The following TENT5C variants were observed in gnomAD, a reference collection of about 807,000 sequenced individuals.
TENT5C encodes family with sequence similarity 46 member C.
A neutral mutation model predicts 22.2 loss-of-function variants in TENT5C; 5 were observed. The ratio of observed to expected loss-of-function variants is 0.22; its 90% CI spans 0.12 to 0.47. TENT5C has a LOEUF of 0.47. TENT5C is among the 20% of genes least tolerant of loss of function. The probability of loss-of-function intolerance (pLI) is 0.99; values close to 1 mark genes in which losing one functional copy is unlikely to be tolerated. For missense variants in TENT5C, 364 were observed against 500.9 expected (o/e 0.73, Z 2.61); for synonymous variants, 199 against 195.4 (o/e 1.02, Z -0.15).
rs369828505 is a variant in TENT5C, at chr1:117,616,121, G to A, written c.-27-6721G>A. 1.4e-3 allele frequency among the ~76,000 whole-genome samples: 210 copies of A among 152,326 alleles called. 1 individual carries two copies. The highest frequency in any genetic ancestry group is 5.0e-3 in the African/African-American group (207 of 41,574). On this transcript the variant is annotated intron_variant, in intron 1 of 1. Coordinates refer to ENST00000369448, the MANE Select transcript of TENT5C (RefSeq NM_017709.4). ...TCAGCAGTTCCCAGACACTAGTCTC[G>A]CAGTTGAGGACCTGGGGTCAATTCG...
rs1653987627 is a variant in TENT5C at position 117,625,475 on chromosome 1, CAG to C, written c.*1432_*1433del. ...AGTTCTAGGCTACTGTGGCTTTTTC[CAG>C]TAGATTTAGATGAGATTATGTGTTT... On this transcript the variant is annotated 3_prime_UTR_variant, in exon 2 of 2. Transcript: ENST00000369448. 4.0e-6 allele frequency: 1 copy of C among 247,870 alleles called. No homozygotes were observed. The highest frequency in any genetic ancestry group is 2.2e-5 in the African/African-American group (1 of 45,302). 15.4% of individuals were successfully genotyped at this position (247,870 alleles called of 1,614,324 possible).
At position 117,625,796 on chromosome 1, in the gene TENT5C, G is replaced by A. The variant is rs1425025591; in HGVS notation, c.*1752G>A. The A allele has an allele frequency of 8.1e-6, 2 of 247,864 alleles. No homozygotes were observed. Among genetic ancestry groups the A allele is most frequent in the Admixed American group, 5.6e-5 (1 of 17,774 alleles). 15.4% of individuals were successfully genotyped at this position (247,864 alleles called of 1,614,324 possible). On this transcript the variant is annotated 3_prime_UTR_variant, in exon 2 of 2. Transcript: ENST00000369448. ...ATGTGATGTCTTGGTCCTCTTAAAA[G>A]CAGATCAGCCATGACTGAAACTCAA...
chr1:117,610,324 T>G (rs1653637966), intron 1 of TENT5C, among the ~76,000 whole-genome samples: 2 of 152,042 alleles, frequency 1.3e-5, no homozygotes, highest in Non-Finnish European at 1.5e-5. Context: ...CTCTTTACTC[T>G]TGACCCACCC....
chr1:117,618,764 T>G (rs990271175), intron 1 of TENT5C, among the ~76,000 whole-genome samples: 7 of 152,224 alleles, frequency 4.6e-5, no homozygotes, highest in African/African-American at 1.7e-4. Context: ...TTCTTCTAAC[T>G]TTGAATCTAC....
intron 1 of TENT5C, among the ~76,000 whole-genome samples, chr1:117,617,916 G>C (rs947160430): frequency 3.9e-5 from 6 of 152,210 alleles, no homozygotes; most frequent in Admixed American, 2.6e-4. Context: ...TTGGACGAGT[G>C]AGGGACAATG....
At chr1:117,621,090 C>G (rs1653883920) in intron 1 of TENT5C, among the ~76,000 whole-genome samples, 1 of 152,300 alleles carries the variant, frequency 6.6e-6, no homozygotes, top group Admixed American at 6.5e-5. Context: ...GCTTGGGATC[C>G]ATAACCTAGG....
chr1:117,623,715 G>T lies in TENT5C; in HGVS notation c.847G>T (p.Glu283Ter). The change falls in exon 2 of 2, where the codon GAA (glutamate) becomes TAA (stop). Residue 283 changes from glutamate to a stop codon, truncating the protein, a stop_gained. Transcript: ENST00000369448. LOFTEE classifies it high-confidence loss of function. ...RFFIDFPDIL[E>*]QQRKLETYLQ... ...CTTCATCGACTTCCCGGACATCCTT[G>T]AACAGCAGAGGAAGTTGGAGACTTA... 1 of 1,614,162 alleles carries T rather than the reference G, an allele frequency of 6.2e-7. No homozygotes were observed. Among genetic ancestry groups the T allele is most frequent in the Non-Finnish European group, 8.5e-7 (1 of 1,180,030 alleles).
Position 117,624,046 on chromosome 1 carries a change from C to A in TENT5C, c.*2C>A. The A allele has an allele frequency of 6.2e-7, 1 of 1,608,048 alleles. No homozygotes were observed. The highest frequency in any genetic ancestry group is 2.2e-5 in the East Asian group (1 of 44,798). ...CCTACCTGGCTGCCCTGTAACTAAC[C>A]TTGAGACCTGAGGGTTTCCACAGTG... On this transcript the variant is annotated 3_prime_UTR_variant, in exon 2 of 2. Coordinates refer to ENST00000369448, the MANE Select transcript of TENT5C (RefSeq NM_017709.4).
intron 1 of TENT5C, among the ~76,000 whole-genome samples, chr1:117,614,467 A>T (rs998236400): frequency 3.3e-5 from 5 of 152,194 alleles, no homozygotes; most frequent in African/African-American, 9.7e-5. Context: ...TTCAGCATTC[A>T]TGAGGTCCTG....
chr1:117,612,614 C>T (rs867404916), intron 1 of TENT5C, among the ~76,000 whole-genome samples: 1 of 152,142 alleles, frequency 6.6e-6, no homozygotes, highest in Non-Finnish European at 1.5e-5. Flanking sequence ...ACCTGGAGGC[C>T]CGGAACCTGC....
chr1:117,623,073 G>T lies in TENT5C; in HGVS notation c.205G>T (p.Val69Phe). Residue 69 changes from valine (V) to phenylalanine (F), a missense_variant, in exon 2 of 2, where the codon GTC (valine) becomes TTC (phenylalanine). Physicochemically the swap from Val to Phe is conservative, Grantham distance 50. Transcript: ENST00000369448. ...GGAGGCAGGCATCAAAGTGCACGAC[G>T]TCCGGCTGAATGGCTCCGCAGCTGG... ...LEEAGIKVHDVRLNGSAAGHV... is the reference protein window; with the variant it reads ...LEEAGIKVHDFRLNGSAAGHV... 6.2e-7 allele frequency: 1 copy of T among 1,614,206 alleles called. No homozygotes were observed. Among genetic ancestry groups the T allele is most frequent in the Non-Finnish European group, 8.5e-7 (1 of 1,180,040 alleles).
chr1:117,613,878 C>T (rs887204631), intron 1 of TENT5C, among the ~76,000 whole-genome samples: 25 of 152,182 alleles, frequency 1.6e-4, no homozygotes, highest in Admixed American at 1.0e-3. Flanking sequence ...GGGGCAGTTA[C>T]TTCTTTGAAC....
At chr1:117,616,348 T>C (rs575093459) in intron 1 of TENT5C, among the ~76,000 whole-genome samples, 2 of 152,198 alleles carry the variant, frequency 1.3e-5, no homozygotes, top group South Asian at 4.1e-4. Flanking sequence ...TGTCATTCAC[T>C]CTTGTTAAGG....
chr1:117,626,322 T>G lies in TENT5C; in HGVS notation c.*2278T>G. ...CCCCCATCTGGTAATAGTCCTCTTC[T>G]GAGAATGAAAGGAGGCACAGAAGTT... On this transcript the variant is annotated 3_prime_UTR_variant, in exon 2 of 2. Transcript: ENST00000369448. 1 of 248,016 alleles carries G rather than the reference T, an allele frequency of 4.0e-6. No individual in the cohort carries two copies. Among genetic ancestry groups the G allele is most frequent in the Non-Finnish European group, 8.5e-6 (1 of 118,040 alleles). 15.4% of individuals were successfully genotyped at this position (248,016 alleles called of 1,614,324 possible).
chr1:117,618,827 A>G (rs1327433883), intron 1 of TENT5C, among the ~76,000 whole-genome samples: 1 of 152,230 alleles, frequency 6.6e-6, no homozygotes, highest in African/African-American at 2.4e-5. Flanking sequence ...CTACCTGCAT[A>G]TGTTTCCAGA....
intron 1 of TENT5C, among the ~76,000 whole-genome samples, chr1:117,614,970 C>T (rs568904275): frequency 6.6e-6 from 1 of 152,300 alleles, no homozygotes; most frequent in South Asian, 2.1e-4. Flanking sequence ...CATCTCCCAG[C>T]CATTGTTCCT....
rs1290657509 is a variant in TENT5C at position 117,628,164 on chromosome 1, C to A, written c.*4120C>A. On this transcript the variant is annotated 3_prime_UTR_variant, in exon 2 of 2. Coordinates refer to ENST00000369448, the MANE Select transcript of TENT5C (RefSeq NM_017709.4). ...AATTAATATAGATGAAAAATAGATA[C>A]CAATTAGACTAAATTGAAAGCTTTT... 3 of 247,494 alleles carry A rather than the reference C, an allele frequency of 1.2e-5. No homozygotes were observed. Among genetic ancestry groups the A allele is most frequent in the African/African-American group, 6.6e-5 (3 of 45,274 alleles). The allele number at this position is 247,494 out of a possible 1,614,324, so 15.3% of individuals were successfully genotyped here. A position where few individuals can be genotyped will look rare whatever the true frequency, so the allele number is the denominator to read the frequency against.
chr1:117,608,696 T>G (rs114365836), intron 1 of TENT5C, among the ~76,000 whole-genome samples: 3 of 152,112 alleles, frequency 2.0e-5, no homozygotes, highest in African/African-American at 7.2e-5. Flanking sequence ...CTCTGATCAA[T>G]GTTGTGTTCA....
At chr1:117,611,913 A>G (rs1284038637) in intron 1 of TENT5C, among the ~76,000 whole-genome samples, 1 of 152,230 alleles carries the variant, frequency 6.6e-6, no homozygotes, top group African/African-American at 2.4e-5. Flanking sequence ...TCATTTCAGT[A>G]TGTAATCAAT....
Sources: allele counts gnomAD v4.1 joint callset (sites outside exome capture counted in the v4.1 genomes callset), GRCh38; gene constraint gnomAD v4.1.1; transcripts MANE v1.5; gene names NCBI Gene and HGNC (gene_info 2026-07-23, HGNC 2026-07-21).